LTBP2: variants seen among roughly 807,000 people sequenced by gnomAD.
The protein encoded by LTBP2 is latent transforming growth factor beta binding protein 2.
A neutral mutation model predicts 210.6 loss-of-function variants in LTBP2; 103 were observed. The ratio of observed to expected loss-of-function variants is 0.49; its 90% CI spans 0.42 to 0.58. The LOEUF (loss-of-function observed/expected upper bound fraction) is 0.58, where lower values mean the gene tolerates loss of function less well. LTBP2 is among the 20% of genes least tolerant of loss of function. The pLI, the probability that LTBP2 is intolerant of heterozygous loss-of-function variation, is 0.00. For missense variants in LTBP2, 2,313 were observed against 2,494.5 expected, an observed-to-expected ratio of 0.93 and a Z score of 1.55; for synonymous variants, 1,007 against 1,015.0, an observed-to-expected ratio of 0.99 and a Z score of 0.15.
chr14:74,555,090 A>G (rs1217605501), intron 4 of LTBP2, among the ~76,000 whole-genome samples: 3 of 142,822 alleles, frequency 2.1e-5, no homozygotes, highest in African/African-American at 8.4e-5. Context: ...GTGAATCCAC[A>G]GAGATTCTGT....
chr14:74,508,817 C>A lies in LTBP2; in HGVS notation c.3526+13G>T. ...TGCCCCCCACCCCCAGTAGGGTGAC[C>A]TGGGTCACTCACCCTCACACACGGT... On this transcript the variant is annotated intron_variant, in intron 23 of 35. Transcript: ENST00000261978. The A allele has an allele frequency of 6.2e-7, 1 of 1,613,604 alleles. No individual in the cohort carries two copies.
chr14:74,548,999 C>A (rs1358471341), intron 8 of LTBP2, among the ~76,000 whole-genome samples: 2 of 152,244 alleles, frequency 1.3e-5, no homozygotes. Flanking sequence ...TGCTCCACAG[C>A]TGAGTCTGAT....
intron 9 of LTBP2, 123 bp downstream of exon 9, chr14:74,535,803 C>T: frequency 2.3e-6 from 2 of 867,968 alleles, no homozygotes; most frequent in Middle Eastern, 3.1e-4. Context: ...CCACCACTCC[C>T]CAAAGCTGGG....
At chr14:74,582,878 C>G (rs1032975724) in intron 3 of LTBP2, among the ~76,000 whole-genome samples, 7 of 152,236 alleles carry the variant, frequency 4.6e-5, no homozygotes, top group African/African-American at 1.7e-4. Context: ...CACTGCTTTC[C>G]AAAGCCTGCT....
At chr14:74,591,228 G>A (rs1330796282) in intron 2 of LTBP2, among the ~76,000 whole-genome samples, 2 of 152,172 alleles carry the variant, frequency 1.3e-5, no homozygotes, top group Non-Finnish European at 2.9e-5. Context: ...GGCCAGTGGG[G>A]GTTCCCACAT....
At chr14:74,581,446 G>A (rs1207327061) in intron 3 of LTBP2, among the ~76,000 whole-genome samples, 1 of 152,162 alleles carries the variant, frequency 6.6e-6, no homozygotes, top group South Asian at 2.1e-4. Context: ...GTGAGTCAGG[G>A]AGACAGACAG....
At chr14:74,593,038 C>T (rs557790498) in intron 2 of LTBP2, among the ~76,000 whole-genome samples, 18 of 152,192 alleles carry the variant, frequency 1.2e-4, no homozygotes, top group African/African-American at 3.9e-4. Context: ...GTCAGCAGGA[C>T]GCCAAAAGAG....
intron 8 of LTBP2, among the ~76,000 whole-genome samples, chr14:74,545,677 T>A (rs990789786): frequency 2.6e-5 from 4 of 152,228 alleles, no homozygotes; most frequent in African/African-American, 9.6e-5. Flanking sequence ...TCTGTCTTTC[T>A]CAGATGAAAA....
intron 4 of LTBP2, among the ~76,000 whole-genome samples, chr14:74,554,602 A>G (rs547858302): frequency 7.9e-5 from 12 of 152,342 alleles, no homozygotes; most frequent in Non-Finnish European, 1.6e-4. Flanking sequence ...AATGTCAAGG[A>G]TATGCAAATC....
chr14:74,517,112 C>T (rs2087146634), intron 17 of LTBP2, among the ~76,000 whole-genome samples, 171 bp from the exon 18 acceptor site: 1 of 152,166 alleles, frequency 6.6e-6, no homozygotes, highest in Non-Finnish European at 1.5e-5. Flanking sequence ...GCTCCTGGGC[C>T]AGGTCTGAAA....
At chr14:74,577,306 G>C (rs969615982) in intron 3 of LTBP2, among the ~76,000 whole-genome samples, 3 of 152,166 alleles carry the variant, frequency 2.0e-5, no homozygotes, top group African/African-American at 7.2e-5. Flanking sequence ...TGAGGAAATG[G>C]GTGACACAGC....
chr14:74,498,485 A>G lies in LTBP2; in HGVS notation c.*2399T>C, dbSNP rs946558277. 4.6e-6 allele frequency: 1 copy of G among 218,798 alleles called. No homozygotes were observed. The highest frequency in any genetic ancestry group is 5.8e-5 in the Admixed American group (1 of 17,332). The allele number at this position is 218,798 out of a possible 1,614,324, so 13.6% of individuals were successfully genotyped here. A position where few individuals can be genotyped will look rare whatever the true frequency, so the allele number is the denominator to read the frequency against. On this transcript the variant is annotated 3_prime_UTR_variant, in exon 36 of 36. Transcript: ENST00000261978. Reference sequence around the variant, plus strand: ...TTATGGTTTATCCATTCAATGGAATAGTATACAGCTGTAAAATGAAATGAG... The same window carrying G: ...TTATGGTTTATCCATTCAATGGAATGGTATACAGCTGTAAAATGAAATGAG...
chr14:74,509,194 A>G (rs1335835692), intron 22 of LTBP2, 44 bp downstream of exon 22: 1 of 1,612,990 alleles, frequency 6.2e-7, no homozygotes. Flanking sequence ...GCCCTGACAG[A>G]GGGGGCATCC....
chr14:74,510,854 G>A (rs566060164), intron 19 of LTBP2, among the ~76,000 whole-genome samples: 5 of 152,376 alleles, frequency 3.3e-5, no homozygotes, highest in South Asian at 4.1e-4. Flanking sequence ...CCCGCTGTGC[G>A]GTGGGCGTGC....
intron 6 of LTBP2, 84 bp from the exon 7 acceptor site, chr14:74,551,434 G>C: frequency 7.5e-7 from 1 of 1,340,214 alleles, no homozygotes. Context: ...CACCACCCCT[G>C]GGCCAGGCAG....
chr14:74,589,602 G>T (rs879296287), intron 2 of LTBP2, among the ~76,000 whole-genome samples: 2 of 152,144 alleles, frequency 1.3e-5, no homozygotes, highest in Admixed American at 6.5e-5. Context: ...TGCCACCACG[G>T]CAGGATTTTG....
chr14:74,552,448 T>C (rs2087673967), intron 5 of LTBP2, 55 bp from the exon 6 acceptor site: 21 of 1,529,850 alleles, frequency 1.4e-5, no homozygotes, highest in Non-Finnish European at 1.7e-5. Context: ...GCACCCGCTC[T>C]GTGGCTGGTG....
chr14:74,536,128 C>T, intron 8 of LTBP2, 128 bp from the exon 9 acceptor site: 1 of 785,410 alleles, frequency 1.3e-6, no homozygotes, highest in Middle Eastern at 2.5e-4. Flanking sequence ...CCCCCGAAGC[C>T]ATCGCCCTGG....
Position 74,505,055 on chromosome 14 carries a change from G to A in LTBP2, c.4297C>T (p.Gln1433Ter). 1.9e-6 allele frequency: 3 copies of A among 1,614,186 alleles called. No homozygotes were observed. Among genetic ancestry groups the A allele is most frequent in the Non-Finnish European group, 2.5e-6 (3 of 1,180,044 alleles). Residue 1433 changes from glutamine (Q) to a stop codon, truncating the protein, a stop_gained, in exon 29 of 36, where the codon CAG becomes TAG. Transcript: ENST00000261978. LOFTEE classifies it high-confidence loss of function. ...CCCTGGGTGCAGCAGCATTCAGCCT[G>A]TGTGGTGTTCCGGCCCAGGACACTG... is the stretch of plus-strand genomic sequence containing the variant. ...CSSVLGRNTTQAECCCTQGAS... is the reference protein window; with the variant it reads ...CSSVLGRNTT
Sources: gnomAD v4.1 joint callset for allele counts (sites outside exome capture counted in the v4.1 genomes callset) on GRCh38, gnomAD v4.1.1 for gene constraint, MANE v1.5 for transcripts, NCBI Gene and HGNC (gene_info 2026-07-23, HGNC 2026-07-21) for gene names.